The following AKAP9 variants were observed in gnomAD, a reference collection of about 807,000 sequenced individuals.
AKAP9 encodes A-kinase anchoring protein 9, also known as A-kinase anchor protein 9.
In AKAP9, 311 loss-of-function variants were observed where a neutral mutation model predicts 488.5. The observed-to-expected ratio is 0.64, with a 90% CI of 0.58 to 0.70. AKAP9 has a LOEUF of 0.70. Among genes scored for constraint, AKAP9 ranks in the 30% least tolerant of loss-of-function variants. The pLI is 0.00. For missense variants in AKAP9, 4,215 were observed against 4,374.5 expected (o/e 0.96, Z 1.03); for synonymous variants, 1,462 against 1,483.5 (o/e 0.99, Z 0.33).
chr7:91,955,668 C>G (rs528260698), intron 1 of AKAP9, among the ~76,000 whole-genome samples: 1 of 152,298 alleles, frequency 6.6e-6, no homozygotes, highest in South Asian at 2.1e-4. Flanking sequence ...CCAGTTTTTG[C>G]TATTGTAAAT....
chr7:92,038,624 A>G lies in AKAP9; in HGVS notation c.4544A>G (p.Lys1515Arg). Residue 1515 changes from lysine to arginine, a missense_variant, in exon 17 of 50, where the codon AAA becomes AGA. Transcript: ENST00000356239. Reference protein sequence around the residue: ...TVDVKFKEEFKPLSKELGEHG... With the variant: ...TVDVKFKEEFRPLSKELGEHG... ...GATGTGAAATTTAAAGAAGAATTTA[A>G]ACCACTTAGTAAAGAGTTAGGAGAA... 1 of 1,613,840 alleles carries G rather than the reference A, an allele frequency of 6.2e-7. No homozygotes were observed. Among genetic ancestry groups the G allele is most frequent in the African/African-American group, 1.3e-5 (1 of 75,042 alleles).
chr7:92,068,384 A>G (rs1036528063), intron 26 of AKAP9, among the ~76,000 whole-genome samples: 296 of 151,440 alleles, frequency 2.0e-3, no homozygotes, highest in African/African-American at 6.5e-3. Context: ...AAAAAAAAAA[A>G]AAAGAAAAAA....
intron 4 of AKAP9, among the ~76,000 whole-genome samples, chr7:91,992,616 A>G (rs1214551023): frequency 7.2e-6 from 1 of 139,750 alleles, no homozygotes; most frequent in African/African-American, 2.7e-5. Context: ...GTGAGCTGAG[A>G]TTGCGCCACT....
At position 92,045,217 on chromosome 7, in the gene AKAP9, C is replaced by G. The variant is rs759286117; in HGVS notation, c.5368+4C>G. 2 of 1,612,674 alleles carry G rather than the reference C, an allele frequency of 1.2e-6. No individual in the cohort carries two copies. Among genetic ancestry groups the G allele is most frequent in the Non-Finnish European group, 1.7e-6 (2 of 1,178,956 alleles). ...GTCCATGAGGAACATACAAGAGGTACTAGTTTTCTGTGTTGTGGAAACAAT... is the reference window on the plus strand; with the variant it reads ...GTCCATGAGGAACATACAAGAGGTAGTAGTTTTCTGTGTTGTGGAAACAAT... On this transcript the variant is annotated splice_donor_region_variant and intron_variant, in intron 21 of 49. Coordinates refer to ENST00000356239, the MANE Select transcript of AKAP9 (RefSeq NM_005751.5).
chr7:92,083,711 A>C (rs753846409), intron 33 of AKAP9, 56 bp downstream of exon 33: 1 of 1,575,922 alleles, frequency 6.3e-7, no homozygotes, highest in East Asian at 2.3e-5. Context: ...TTAAAAAAAA[A>C]AAATCAGTTT....
At chr7:92,071,967 T>G (rs1811803183) in intron 28 of AKAP9, among the ~76,000 whole-genome samples, 1 of 124,988 alleles carries the variant, frequency 8.0e-6, no homozygotes, top group Admixed American at 7.7e-5. Flanking sequence ...TATTTTGACT[T>G]TTGATTTTTT....
chr7:91,986,666 A>G (rs1797132562), intron 3 of AKAP9, among the ~76,000 whole-genome samples: 1 of 152,166 alleles, frequency 6.6e-6, no homozygotes, highest in South Asian at 2.1e-4. Context: ...GACAGTCTTC[A>G]GCTAAATTTT....
Position 92,107,366 on chromosome 7 carries a change from G to A in AKAP9, c.11490G>A (p.Thr3830=), listed in dbSNP as rs751636798. 1.9e-5 allele frequency: 30 copies of A among 1,613,584 alleles called. No homozygotes were observed. The East Asian group carries it at 3.6e-4, about 19-fold the overall frequency. Residue 3830 remains threonine, a synonymous_variant, in exon 48 of 50, where the codon ACG becomes ACA. Transcript: ENST00000356239. The part of the protein sequence containing the change: ...LELYGEPRHT[T]YRSRSDLDYI... ...TATATGGAGAACCAAGACATACTACGTATCGCTCAAGATCAGATCTGGACT... is the reference window on the plus strand; with the variant it reads ...TATATGGAGAACCAAGACATACTACATATCGCTCAAGATCAGATCTGGACT...
chr7:92,033,927 C>T (rs1298955250), intron 16 of AKAP9, among the ~76,000 whole-genome samples: 1 of 152,188 alleles, frequency 6.6e-6, no homozygotes, highest in Non-Finnish European at 1.5e-5. Flanking sequence ...AGGATGAAAT[C>T]TTTGTTTCCA....
intron 1 of AKAP9, among the ~76,000 whole-genome samples, chr7:91,946,612 A>T (rs1355185454): frequency 6.6e-6 from 1 of 152,000 alleles, no homozygotes; most frequent in Non-Finnish European, 1.5e-5. Context: ...GGGCTCAAGC[A>T]ATCCTCCTGC....
rs553366052 is a variant in AKAP9, at chr7:91,987,419, C to T, written c.352-4739C>T. Among the ~76,000 whole-genome samples the T allele has an allele frequency of 6.1e-4, 88 of 145,394 alleles. 1 individual carries two copies. Among genetic ancestry groups the T allele is most frequent in the African/African-American group, 2.1e-3 (82 of 39,202 alleles). ...GGGCAACAAGGGTGAAATTCTATCT[C>T]GAAAAAAAAAAAGAAGAAAAAAGAT... is the stretch of plus-strand genomic sequence containing the variant. On this transcript the variant is annotated intron_variant, in intron 3 of 49. Transcript: ENST00000356239.
chr7:92,085,397 C>G (rs1219782443), intron 35 of AKAP9, 98 bp from the exon 36 acceptor site: 1 of 1,208,244 alleles, frequency 8.3e-7, no homozygotes, highest in Non-Finnish European at 1.2e-6. Context: ...TTTCTCTCTG[C>G]AAGCTATCTT....
chr7:91,946,179 A>G lies in AKAP9; in HGVS notation c.48+5032A>G, dbSNP rs556450286. Among the ~76,000 whole-genome samples, 12 of 152,310 alleles carry G rather than the reference A, an allele frequency of 7.9e-5. No individual in the cohort carries two copies. The South Asian group carries it at 1.7e-3, about 21-fold the overall frequency. On this transcript the variant is annotated intron_variant, in intron 1 of 49. Transcript: ENST00000356239. The stretch of plus-strand genomic sequence containing the variant: ...TCCACTGTGATAGACAAAGCTGGTT[A>G]TGGTGTAAAACTGTTCTTTGCATAT...
chr7:92,050,944 T>G (rs951168471), intron 21 of AKAP9, among the ~76,000 whole-genome samples: 7 of 152,232 alleles, frequency 4.6e-5, no homozygotes, highest in African/African-American at 1.7e-4. Context: ...TTTCCTTGTC[T>G]TCTTCTACAT....
chr7:91,991,438 C>T (rs1002212804), intron 3 of AKAP9, among the ~76,000 whole-genome samples: 2 of 151,734 alleles, frequency 1.3e-5, no homozygotes, highest in African/African-American at 4.8e-5. Context: ...CTCAGCCTCC[C>T]TTGTAGCTGG....
chr7:92,036,202 G>A (rs1805165431), intron 16 of AKAP9, among the ~76,000 whole-genome samples: 1 of 152,058 alleles, frequency 6.6e-6, no homozygotes, highest in East Asian at 1.9e-4. Context: ...TGTTTCTGTC[G>A]ACAAGGTCCT....
chr7:92,055,538 G>A (rs1808649883), intron 22 of AKAP9, among the ~76,000 whole-genome samples: 1 of 152,044 alleles, frequency 6.6e-6, no homozygotes, highest in African/African-American at 2.4e-5. Flanking sequence ...TTTGATTTAA[G>A]TAAAGCTATT....
At chr7:91,972,402 G>T (rs1369612833) in intron 1 of AKAP9, among the ~76,000 whole-genome samples, 2 of 152,172 alleles carry the variant, frequency 1.3e-5, no homozygotes, top group East Asian at 3.8e-4. Flanking sequence ...TGGAGAAGCT[G>T]GTTGTCCACC....
chr7:92,033,523 G>A (rs750546769), intron 16 of AKAP9, among the ~76,000 whole-genome samples: 23 of 138,282 alleles, frequency 1.7e-4, no homozygotes, highest in Non-Finnish European at 3.0e-4. Flanking sequence ...TCTGCTCACC[G>A]CAACCTCCAA....
Sources: allele counts gnomAD v4.1 joint callset (sites outside exome capture counted in the v4.1 genomes callset), GRCh38; gene constraint gnomAD v4.1.1; transcripts MANE v1.5; gene names NCBI Gene and HGNC (gene_info 2026-07-23, HGNC 2026-07-21).